Variants in SOX6 observed in about 807,000 individuals in gnomAD.
The protein encoded by SOX6 is transcription factor SOX-6.
Under a neutral mutation model 97.8 loss-of-function variants are expected in SOX6, and 11 were observed. The ratio of observed to expected loss-of-function variants is 0.11; its 90% CI spans 0.07 to 0.19. The LOEUF is 0.19. SOX6 is among the 10% of genes least tolerant of loss of function. The probability of loss-of-function intolerance (pLI) is 1.00; values close to 1 mark genes in which losing one functional copy is unlikely to be tolerated. For synonymous variants in SOX6, 360 were observed against 371.4 expected, an observed-to-expected ratio of 0.97 and a Z score of 0.35; for missense variants, 810 against 1,039.5, an observed-to-expected ratio of 0.78 and a Z score of 3.04.
intron 3 of SOX6, among the ~76,000 whole-genome samples, chr11:16,681,179 CTTA>C (rs1847924537): frequency 6.6e-6 from 1 of 152,196 alleles, no homozygotes; most frequent in Non-Finnish European, 1.5e-5. Context: ...CCACATCACA[CTTA>C]TTCTAAAATT....
chr11:16,296,206 G>A (rs1257018419), intron 3 of SOX6, among the ~76,000 whole-genome samples: 1 of 152,068 alleles, frequency 6.6e-6, no homozygotes, highest in African/African-American at 2.4e-5. Context: ...TAAGTACTGA[G>A]TTTTAAGCCA....
intron 6 of SOX6, among the ~76,000 whole-genome samples, chr11:16,138,436 G>T (rs2134034404): frequency 6.6e-6 from 1 of 152,232 alleles, no homozygotes; most frequent in East Asian, 1.9e-4. Flanking sequence ...ATCCAATCCA[G>T]AATCATGTGT....
At chr11:16,411,979 T>C (rs1164285804) in intron 1 of SOX6, among the ~76,000 whole-genome samples, 2 of 152,210 alleles carry the variant, frequency 1.3e-5, no homozygotes, top group African/African-American at 4.8e-5. Flanking sequence ...GTCCAATTCC[T>C]GTTGAACTTG....
At chr11:16,027,076 G>A (rs532240707) in intron 12 of SOX6, among the ~76,000 whole-genome samples, 71 of 152,190 alleles carry the variant, frequency 4.7e-4, no homozygotes, top group Admixed American at 1.3e-3. Flanking sequence ...AAATAACATA[G>A]AATTAACTGG....
intron 13 of SOX6, among the ~76,000 whole-genome samples, chr11:15,990,750 A>G (rs1854025318): frequency 6.6e-6 from 1 of 152,216 alleles, no homozygotes; most frequent in African/African-American, 2.4e-5. Context: ...CTTCTACCGC[A>G]TAACAGGAAA....
intron 3 of SOX6, among the ~76,000 whole-genome samples, chr11:16,712,789 G>C (rs1234727074): frequency 6.6e-6 from 1 of 152,018 alleles, no homozygotes; most frequent in Non-Finnish European, 1.5e-5. Flanking sequence ...TCTTTTTATT[G>C]TCTACCAAAC....
chr11:16,169,812 T>A (rs559259987), intron 6 of SOX6, among the ~76,000 whole-genome samples: 1 of 152,144 alleles, frequency 6.6e-6, no homozygotes, highest in Non-Finnish European at 1.5e-5. Flanking sequence ...TTCCATGATA[T>A]ACACCACCAT....
chr11:16,255,117 G>A (rs1853645535), intron 3 of SOX6, among the ~76,000 whole-genome samples: 1 of 151,926 alleles, frequency 6.6e-6, no homozygotes, highest in Non-Finnish European at 1.5e-5. Flanking sequence ...CAAAATATAT[G>A]AGGCAAAAAC....
At chr11:16,236,308 T>C (rs1853020308) in intron 3 of SOX6, among the ~76,000 whole-genome samples, 2 of 152,056 alleles carry the variant, frequency 1.3e-5, no homozygotes, top group South Asian at 4.1e-4. Flanking sequence ...TATATTTTGT[T>C]CTATACTTAT....
chr11:16,705,028 C>T (rs1348100617), intron 3 of SOX6, among the ~76,000 whole-genome samples: 3 of 152,124 alleles, frequency 2.0e-5, no homozygotes, highest in Non-Finnish European at 1.5e-5. Flanking sequence ...GAGGCTGAGG[C>T]GGGTGGATCA....
At chr11:16,271,632 C>T (rs1854261696) in intron 3 of SOX6, among the ~76,000 whole-genome samples, 1 of 151,298 alleles carries the variant, frequency 6.6e-6, no homozygotes, top group South Asian at 2.1e-4. Context: ...CATTGGTTTT[C>T]AAATTTATTT....
intron 4 of SOX6, among the ~76,000 whole-genome samples, chr11:16,501,280 C>A (rs1860702075): frequency 6.6e-6 from 1 of 152,080 alleles, no homozygotes; most frequent in Non-Finnish European, 1.5e-5. Flanking sequence ...AAACTGGATC[C>A]CTTCCTTACA....
intron 3 of SOX6, among the ~76,000 whole-genome samples, chr11:16,653,389 G>C (rs1049223942): frequency 2.0e-5 from 3 of 152,076 alleles, no homozygotes; most frequent in Non-Finnish European, 2.9e-5. Flanking sequence ...CCAACAAGTA[G>C]ATAAAGAAAA....
intron 1 of SOX6, among the ~76,000 whole-genome samples, chr11:16,396,631 A>G (rs1234587245): frequency 4.0e-5 from 6 of 151,624 alleles, no homozygotes; most frequent in Admixed American, 3.3e-4. Context: ...AAGTACAACA[A>G]TAGTATATTG....
At chr11:16,458,564 C>T (rs1429921288) in intron 1 of SOX6, among the ~76,000 whole-genome samples, 1 of 151,982 alleles carries the variant, frequency 6.6e-6, no homozygotes, top group Non-Finnish European at 1.5e-5. Context: ...GGAAGAGGAA[C>T]AGCAATAGTA....
intron 4 of SOX6, among the ~76,000 whole-genome samples, chr11:16,218,491 C>G (rs1852436737): frequency 6.6e-6 from 1 of 152,010 alleles, no homozygotes; most frequent in Non-Finnish European, 1.5e-5. Flanking sequence ...AATCAGACAA[C>G]TTGCATTTTG....
intron 13 of SOX6, among the ~76,000 whole-genome samples, chr11:15,990,025 G>T (rs1391135588): frequency 6.6e-6 from 1 of 152,082 alleles, no homozygotes; most frequent in East Asian, 1.9e-4. Context: ...GTGGGAGAGG[G>T]AGTAAAGTCT....
chr11:15,987,158 G>GT (rs775359274), intron 14 of SOX6, among the ~76,000 whole-genome samples: 2 of 152,088 alleles, frequency 1.3e-5, no homozygotes, highest in African/African-American at 2.4e-5. Context: ...GAGGGGATGT[G>GT]TTTTTTTACA....
intron 6 of SOX6, among the ~76,000 whole-genome samples, chr11:16,179,807 G>A (rs1453315010): frequency 6.6e-6 from 1 of 151,888 alleles, no homozygotes; most frequent in Admixed American, 6.6e-5. Context: ...TGTTTAGTTA[G>A]TTATGTGAGG....
Sources: allele counts gnomAD v4.1 joint callset (sites outside exome capture counted in the v4.1 genomes callset), GRCh38; gene constraint gnomAD v4.1.1; transcripts MANE v1.5; gene names NCBI Gene and HGNC (gene_info 2026-07-23, HGNC 2026-07-21).